CX3CR1: variants seen among roughly 807,000 people sequenced by gnomAD.
The protein encoded by CX3CR1 is C-X3-C motif chemokine receptor 1, also known as CX3C chemokine receptor 1.
For missense variants in CX3CR1, 363 were observed against 432.4 expected (o/e 0.84, Z 1.42); for synonymous variants, 168 against 178.5 (o/e 0.94, Z 0.47).
chr3:39,269,753 G>C (rs1028425388), intron 1 of CX3CR1, among the ~76,000 whole-genome samples: 1 of 152,170 alleles, frequency 6.6e-6, no homozygotes, highest in Non-Finnish European at 1.5e-5. Flanking sequence ...CCCCAGTGAA[G>C]ACCCTAGAAT....
upstream of CX3CR1, chr3:39,281,726 G>T (rs779479902): frequency 1.3e-6 from 2 of 1,526,098 alleles, no homozygotes; most frequent in African/African-American, 1.4e-5. Flanking sequence ...TGGTAAGCAC[G>T]GCCCGCCCCT....
At position 39,265,249 on chromosome 3, in the gene CX3CR1, C is replaced by A. The variant is rs1016309280; in HGVS notation, c.*193G>T. 4 of 566,960 alleles carry A rather than the reference C, an allele frequency of 7.1e-6. No individual in the cohort carries two copies. In the African/African-American group the frequency reaches 7.5e-5, roughly 11 times the overall value. The allele number at this position is 566,960 out of a possible 1,614,324, so 35.1% of individuals were successfully genotyped here. ...AGTAAGAGAAATGTCTACTCTTTGT[C>A]ATTCAAAGAGTTCAATTTGTTCATT... On this transcript the variant is annotated 3_prime_UTR_variant, in exon 2 of 2. Transcript: ENST00000399220.
chr3:39,265,480 A>C lies in CX3CR1; in HGVS notation c.1030T>G (p.Tyr344Asp), dbSNP rs1294639689. Reference protein sequence around the residue: ...HGSVLSSNFTYHTSDGDALLL... With the variant: ...HGSVLSSNFTDHTSDGDALLL... ...AATGCATCTCCATCACTCGTGTGGTAAGTAAAATTGCTGCTCAGAACACTT... is the reference window on the plus strand; with the variant it reads ...AATGCATCTCCATCACTCGTGTGGTCAGTAAAATTGCTGCTCAGAACACTT... Residue 344 changes from tyrosine to aspartate, a missense_variant, in exon 2 of 2, where the codon TAC (tyrosine) becomes GAC (aspartate). Physicochemically the swap from Tyr to Asp is radical, Grantham distance 160. Coordinates refer to ENST00000399220, the MANE Select transcript of CX3CR1 (RefSeq NM_001337.4). 6.2e-7 allele frequency: 1 copy of C among 1,613,810 alleles called. No homozygotes were observed. The highest frequency in any genetic ancestry group is 8.5e-7 in the Non-Finnish European group (1 of 1,179,852).
At chr3:39,281,733 C>G, upstream of CX3CR1, 1 of 1,477,082 alleles carries the variant, frequency 6.8e-7, no homozygotes, top group Non-Finnish European at 9.3e-7. Flanking sequence ...CACGGCCCGC[C>G]CCTTCTCACT....
chr3:39,283,829 AT>A, upstream of CX3CR1, among the ~76,000 whole-genome samples: 1 of 110,326 alleles, frequency 9.1e-6, no homozygotes, highest in South Asian at 2.9e-4. Context: ...ATATATATAT[AT>A]ATATATATAT....
chr3:39,276,773 C>A (rs953969651), intron 1 of CX3CR1, among the ~76,000 whole-genome samples: 11 of 152,130 alleles, frequency 7.2e-5, no homozygotes, highest in Non-Finnish European at 1.6e-4. Context: ...AAGTATGAAT[C>A]CAAATATGAA....
At chr3:39,283,840 T>A (rs1475200201), upstream of CX3CR1, among the ~76,000 whole-genome samples, 342 of 115,294 alleles carry the variant, frequency 3.0e-3, 3 homozygotes, top group African/African-American at 0.01. Flanking sequence ...TATATATATA[T>A]AATGTGGTTA....
chr3:39,281,784 C>T (rs1002627710), upstream of CX3CR1: 4 of 1,001,686 alleles, frequency 4.0e-6, no homozygotes, highest in Non-Finnish European at 6.1e-6. Context: ...CCCAACATGC[C>T]TGTGCCCGTG....
upstream of CX3CR1, chr3:39,280,544 T>C: frequency 1.1e-6 from 1 of 877,458 alleles, no homozygotes; most frequent in African/African-American, 1.8e-5. Context: ...AAGAGTGATA[T>C]GCATACTAAG....
chr3:39,281,548 T>C, upstream of CX3CR1: 1 of 1,446,498 alleles, frequency 6.9e-7, no homozygotes, highest in Non-Finnish European at 9.5e-7. Context: ...ATCCAGGGCC[T>C]GGATAATTTC....
At chr3:39,284,915 GT>G (rs1234044508), upstream of CX3CR1, among the ~76,000 whole-genome samples, 4 of 152,310 alleles carry the variant, frequency 2.6e-5, no homozygotes, top group African/African-American at 9.6e-5. Flanking sequence ...GACCAGACAC[GT>G]TGAGGGTCAA....
intron 1 of CX3CR1, among the ~76,000 whole-genome samples, chr3:39,271,176 C>T (rs1027652178): frequency 2.0e-5 from 3 of 152,138 alleles, no homozygotes; most frequent in Admixed American, 6.5e-5. Flanking sequence ...TGGTACACAG[C>T]GAATGCCATA....
chr3:39,289,315 T>C, the CX3CR1 span, among the ~76,000 whole-genome samples: 2 of 152,132 alleles, frequency 1.3e-5, no homozygotes, highest in Non-Finnish European at 2.9e-5. Context: ...CTAAGAGTCT[T>C]GGTGGATGCA....
rs1316404289 is a variant in CX3CR1, at chr3:39,266,092, T to C, written c.418A>G (p.Asn140Asp). Reference sequence around the variant, plus strand: ...GTGACGCCATGCTGCACGGTCCGGTTGTTCATGGAGTTGGCGGCCAGGACG... The same window carrying C: ...GTGACGCCATGCTGCACGGTCCGGTCGTTCATGGAGTTGGCGGCCAGGACG... ...AIVLAANSMN[N>D]RTVQHGVTIS... Residue 140 changes from asparagine (N) to aspartate (D), a missense_variant, in exon 2 of 2, where the codon AAC (asparagine) becomes GAC (aspartate). Coordinates refer to ENST00000399220, the MANE Select transcript of CX3CR1 (RefSeq NM_001337.4). 3.7e-6 allele frequency: 6 copies of C among 1,614,218 alleles called. No individual in the cohort carries two copies. The highest frequency in any genetic ancestry group is 5.1e-6 in the Non-Finnish European group (6 of 1,180,046).
chr3:39,273,554 T>G (rs927382869), intron 1 of CX3CR1, among the ~76,000 whole-genome samples: 1 of 152,250 alleles, frequency 6.6e-6, no homozygotes, highest in African/African-American at 2.4e-5. Context: ...AGTTTCTTGA[T>G]GTATGAAATT....
the CX3CR1 span, among the ~76,000 whole-genome samples, chr3:39,289,151 T>TA: frequency 4.0e-3 from 566 of 141,812 alleles, 1 homozygote; most frequent in Middle Eastern, 7.2e-3. Context: ...AGACTCCATC[T>TA]AAAAAAAAAA....
chr3:39,266,649 T>C lies in CX3CR1; in HGVS notation c.-9-131A>G, dbSNP rs376875836. 9.2e-6 allele frequency: 8 copies of C among 872,424 alleles called. No individual in the cohort carries two copies. The African/African-American group carries it at 1.3e-4, about 14-fold the overall frequency. The allele number at this position is 872,424 out of a possible 1,614,324, so 54.0% of individuals were successfully genotyped here. On this transcript the variant is annotated intron_variant, in intron 1 of 1. Transcript: ENST00000399220. ...TGGGTGCACACTACATTTCCCAACTTCCCACTTGCCATCTTGTTTAATCCC... is the reference window on the plus strand; with the variant it reads ...TGGGTGCACACTACATTTCCCAACTCCCCACTTGCCATCTTGTTTAATCCC...
chr3:39,283,790 AAAAATTATATATAT>A (rs2040924275), upstream of CX3CR1, among the ~76,000 whole-genome samples: 1 of 89,232 alleles, frequency 1.1e-5, no homozygotes, highest in Non-Finnish European at 2.2e-5. Flanking sequence ...AAAAAAAAAA[AAAAATTATATATAT>A]ATATATATAT....
At chr3:39,283,511 G>A (rs1389481291), upstream of CX3CR1, among the ~76,000 whole-genome samples, 3 of 151,984 alleles carry the variant, frequency 2.0e-5, no homozygotes, top group African/African-American at 7.3e-5. Context: ...GCCAGGCATG[G>A]TGGCTCACGC....
Sources: gnomAD v4.1 joint callset for allele counts (sites outside exome capture counted in the v4.1 genomes callset) on GRCh38, gnomAD v4.1.1 for gene constraint, MANE v1.5 for transcripts, NCBI Gene and HGNC (gene_info 2026-07-23, HGNC 2026-07-21) for gene names.